The following INSYN2B variants were observed in gnomAD, a reference collection of about 807,000 sequenced individuals.
The protein encoded by INSYN2B is inhibitory synaptic factor family member 2B.
A neutral mutation model predicts 41.2 loss-of-function variants in INSYN2B; 16 were observed. That is an observed-to-expected ratio of 0.39 (90% CI 0.26 to 0.59). The LOEUF (loss-of-function observed/expected upper bound fraction) is 0.59, where lower values mean the gene tolerates loss of function less well. Ranked by LOEUF, INSYN2B falls within the 20% of genes least tolerant of loss-of-function variation. INSYN2B has a pLI of 0.57. For synonymous variants in INSYN2B, 245 were observed against 244.4 expected (o/e 1.00, Z -0.02); for missense variants, 608 against 646.4 (o/e 0.94, Z 0.64).
Position 169,862,381 on chromosome 5 carries a change from A to G in INSYN2B, c.*1892T>C, listed in dbSNP as rs1771257556. Reference sequence around the variant, plus strand: ...ATTAGCGTAAGCAAAGCAAATTAAGATGGAAGCTCTACTACAAGATAAAAT... The same window carrying G: ...ATTAGCGTAAGCAAAGCAAATTAAGGTGGAAGCTCTACTACAAGATAAAAT... On this transcript the variant is annotated 3_prime_UTR_variant, in exon 4 of 4. Coordinates refer to ENST00000377365, the MANE Select transcript of INSYN2B (RefSeq NM_001129891.3). 6.6e-6 allele frequency among the ~76,000 whole-genome samples: 1 copy of G among 152,232 alleles called. No individual in the cohort carries two copies. The highest frequency in any genetic ancestry group is 6.5e-5 in the Admixed American group (1 of 15,286).
chr5:169,926,012 T>C (rs1200847229), intron 1 of INSYN2B, among the ~76,000 whole-genome samples: 1 of 152,134 alleles, frequency 6.6e-6, no homozygotes, highest in Admixed American at 6.6e-5. Flanking sequence ...CCTCATTCCA[T>C]GGCAGGATGT....
In INSYN2B at chr5:169,883,716, G is replaced by T. The variant is rs1453183279; in HGVS notation, c.183C>A (p.Asp61Glu). 1.9e-6 allele frequency: 3 copies of T among 1,551,564 alleles called. No individual in the cohort carries two copies. Among genetic ancestry groups the T allele is most frequent in the African/African-American group, 1.4e-5 (1 of 73,166 alleles). The part of the protein sequence containing the change: ...LAEVDVQTPE[D>E]PAVMGKTQAT... ...CTTGAGTCTTCCCCATCACAGCCGG[G>T]TCTTCTGGAGTTTGGACGTCAACCT... The change falls in exon 2 of 4, where the codon GAC (aspartate) becomes GAA (glutamate). Residue 61 changes from aspartate (D) to glutamate (E), a missense_variant. By Grantham distance (45) the Asp-to-Glu change is conservative. Transcript: ENST00000377365.
chr5:169,951,222 G>A (rs769531753), intron 1 of INSYN2B, among the ~76,000 whole-genome samples: 3 of 152,228 alleles, frequency 2.0e-5, no homozygotes, highest in Non-Finnish European at 2.9e-5. Context: ...TCAAATGTGG[G>A]AAGACTTTGG....
intron 1 of INSYN2B, among the ~76,000 whole-genome samples, chr5:169,936,406 T>C (rs1361724712): frequency 6.6e-6 from 1 of 152,042 alleles, no homozygotes; most frequent in Non-Finnish European, 1.5e-5. Context: ...AAACTGAGGA[T>C]CCAGGAAGTG....
intron 1 of INSYN2B, among the ~76,000 whole-genome samples, chr5:169,920,523 G>A (rs1218614649): frequency 1.3e-5 from 2 of 151,270 alleles, no homozygotes; most frequent in African/African-American, 2.4e-5. Flanking sequence ...AATGCAAACC[G>A]AGATCTCACC....
intron 1 of INSYN2B, among the ~76,000 whole-genome samples, chr5:169,892,067 C>G (rs549864797): frequency 7.2e-5 from 11 of 151,748 alleles, no homozygotes; most frequent in African/African-American, 2.2e-4. Flanking sequence ...AACTTTAGAC[C>G]TTGGGGAGAA....
In INSYN2B at chr5:169,870,468, G is replaced by T. The variant is rs538702922; in HGVS notation, c.1422-6009C>A. Among the ~76,000 whole-genome samples the T allele has an allele frequency of 7.9e-5, 12 of 152,228 alleles. No individual in the cohort carries two copies. The South Asian group carries it at 1.7e-3, about 21-fold the overall frequency. ...ATCTTGGCTGGGTAAACTGAAGTTG[G>T]GTGAGCCAAAAGGAGATAAAAATTG... On this transcript the variant is annotated intron_variant, in intron 3 of 3. Coordinates refer to ENST00000377365, the MANE Select transcript of INSYN2B (RefSeq NM_001129891.3).
intron 1 of INSYN2B, among the ~76,000 whole-genome samples, chr5:169,959,165 G>A (rs1482206004): frequency 2.0e-5 from 3 of 152,114 alleles, no homozygotes; most frequent in Admixed American, 1.3e-4. Context: ...GGCCGAGGGG[G>A]GCGGATCATG....
intron 1 of INSYN2B, among the ~76,000 whole-genome samples, chr5:169,970,021 C>CT (rs1777442818): frequency 6.6e-6 from 1 of 152,234 alleles, no homozygotes; most frequent in South Asian, 2.1e-4. Context: ...GGCCTACAGG[C>CT]TGCCTTTTTG....
In INSYN2B at chr5:169,889,713, T is replaced by C. The variant is rs181709084; in HGVS notation, c.-918-4897A>G. The stretch of plus-strand genomic sequence containing the variant: ...CTGTTGCAACCATTCAGATCTGCCA[T>C]TGTGGCAAGAAATAAGTCATAGACA... On this transcript the variant is annotated intron_variant, in intron 1 of 3. Coordinates refer to ENST00000377365, the MANE Select transcript of INSYN2B (RefSeq NM_001129891.3). Among the ~76,000 whole-genome samples, 306 of 152,362 alleles carry C rather than the reference T, an allele frequency of 2.0e-3. 1 individual carries two copies. The highest frequency in any genetic ancestry group is 6.9e-3 in the African/African-American group (287 of 41,578).
At position 169,863,745 on chromosome 5, in the gene INSYN2B, A is replaced by C. The variant is rs940701163; in HGVS notation, c.*528T>G. Among the ~76,000 whole-genome samples, 3 of 152,230 alleles carry C rather than the reference A, an allele frequency of 2.0e-5. No homozygotes were observed. The highest frequency in any genetic ancestry group is 2.9e-5 in the Non-Finnish European group (2 of 68,034). On this transcript the variant is annotated 3_prime_UTR_variant, in exon 4 of 4. Coordinates refer to ENST00000377365, the MANE Select transcript of INSYN2B (RefSeq NM_001129891.3). Reference sequence around the variant, plus strand: ...CACACCAGGGTGATCTTGCATAAGCATTTTATGCCCTGCCCACTTCTCTTG... The same window carrying C: ...CACACCAGGGTGATCTTGCATAAGCCTTTTATGCCCTGCCCACTTCTCTTG...
At chr5:169,904,946 A>G (rs1459028137) in intron 1 of INSYN2B, among the ~76,000 whole-genome samples, 1 of 152,150 alleles carries the variant, frequency 6.6e-6, no homozygotes, top group African/African-American at 2.4e-5. Context: ...TTTGAATCCC[A>G]GCTCTGCCAC....
chr5:169,871,202 C>T (rs1196539134), intron 3 of INSYN2B, among the ~76,000 whole-genome samples: 1 of 152,182 alleles, frequency 6.6e-6, no homozygotes, highest in East Asian at 1.9e-4. Context: ...GGTACACAAA[C>T]ATTCAGTCTA....
chr5:169,956,354 A>G (rs11740357), intron 1 of INSYN2B, among the ~76,000 whole-genome samples: 58,243 of 152,088 alleles, frequency 0.38, 11,404 homozygotes, highest in South Asian at 0.51. Context: ...AAGTGATACT[A>G]CTAACTTAAG....
At position 169,918,806 on chromosome 5, in the gene INSYN2B, G is replaced by A. The variant is rs186072863; in HGVS notation, c.-918-33990C>T. On this transcript the variant is annotated intron_variant, in intron 1 of 3. Transcript: ENST00000377365. ...CAGGTACCAGTAATCCCAGCTACTCGGGAGGCTGAGGCAGGAGGATTGCTT... is the reference window on the plus strand; with the variant it reads ...CAGGTACCAGTAATCCCAGCTACTCAGGAGGCTGAGGCAGGAGGATTGCTT... Among the ~76,000 whole-genome samples, 310 of 152,232 alleles carry A rather than the reference G, an allele frequency of 2.0e-3. 1 individual carries two copies. The highest frequency in any genetic ancestry group is 7.0e-3 in the African/African-American group (292 of 41,534).
intron 1 of INSYN2B, among the ~76,000 whole-genome samples, chr5:169,977,452 C>T (rs1043787265): frequency 7.2e-5 from 11 of 152,144 alleles, no homozygotes; most frequent in African/African-American, 2.4e-4. Flanking sequence ...GAGGGCTTTC[C>T]GTATTCTAAG....
intron 1 of INSYN2B, among the ~76,000 whole-genome samples, chr5:169,969,166 C>T (rs542721036): frequency 5.9e-5 from 9 of 151,654 alleles, no homozygotes; most frequent in East Asian, 5.8e-4. Context: ...AAAAAATGGC[C>T]GGGGGTGGTG....
chr5:169,907,737 GGTTT>G (rs1774365311), intron 1 of INSYN2B, among the ~76,000 whole-genome samples: 1 of 152,150 alleles, frequency 6.6e-6, no homozygotes, highest in Non-Finnish European at 1.5e-5. Context: ...CTAGAGCAGT[GGTTT>G]TCAACTAGGG....
chr5:169,904,704 C>T (rs552794325), intron 1 of INSYN2B, among the ~76,000 whole-genome samples: 7 of 152,280 alleles, frequency 4.6e-5, no homozygotes, highest in Non-Finnish European at 7.4e-5. Flanking sequence ...TGACAGATAC[C>T]GAGGGTGGCC....
Sources: gnomAD v4.1 joint callset for allele counts (sites outside exome capture counted in the v4.1 genomes callset) on GRCh38, gnomAD v4.1.1 for gene constraint, MANE v1.5 for transcripts, NCBI Gene and HGNC (gene_info 2026-07-23, HGNC 2026-07-21) for gene names.